The following BMP1 variants were observed in gnomAD, a reference collection of about 807,000 sequenced individuals.
BMP1 encodes the protein mammalian tolloid protein.
BMP1 carries 63 observed loss-of-function variants against 116.8 expected under a neutral mutation model. The ratio of observed to expected loss-of-function variants is 0.54; its 90% CI spans 0.44 to 0.67. BMP1 has a LOEUF of 0.67. BMP1 is among the 30% of genes least tolerant of loss of function. BMP1 has a pLI of 0.00. For synonymous variants in BMP1, 536 were observed against 533.4 expected (o/e 1.00, Z -0.07); for missense variants, 1,183 against 1,358.9 (o/e 0.87, Z 2.04).
intron 9 of BMP1, among the ~76,000 whole-genome samples, chr8:22,192,526 T>A (rs1397075091): frequency 3.3e-5 from 5 of 152,176 alleles, no homozygotes. Flanking sequence ...GGATCCACTA[T>A]TTTTTTCTAT....
At chr8:22,210,076 G>A (rs768853510) in intron 19 of BMP1, among the ~76,000 whole-genome samples, 28 of 152,234 alleles carry the variant, frequency 1.8e-4, no homozygotes, top group Non-Finnish European at 1.6e-4. Flanking sequence ...CACCAGAGCC[G>A]GGGACAGGGC....
In BMP1 at chr8:22,165,514, G is replaced by A. The variant is rs1161097944; in HGVS notation, c.109G>A (p.Asp37Asn). 18 of 1,592,260 alleles carry A rather than the reference G, an allele frequency of 1.1e-5. No homozygotes were observed. Among genetic ancestry groups the A allele is most frequent in the Non-Finnish European group, 1.5e-5 (18 of 1,171,656 alleles). The change falls in exon 1 of 20, where the codon GAC becomes AAC. Residue 37 changes from aspartate (D) to asparagine (N), a missense_variant. Asp to Asn is a conservative substitution (Grantham distance 23). Around this residue, in one of 4 missense-constraint regions of BMP1, gnomAD observed 185 missense variants for 158.9 expected, o/e 1.16. Transcript: ENST00000306385. ...CACCTATGACCTGGCGGAGGAGGAC[G>A]ACTCGGAGCCCCTCAACTACAAAGA... The part of the protein sequence containing the change: ...DYTYDLAEED[D>N]SEPLNYKDPC...
chr8:22,197,933 C>T (rs1322452280), intron 15 of BMP1, among the ~76,000 whole-genome samples: 1 of 152,140 alleles, frequency 6.6e-6, no homozygotes, highest in Non-Finnish European at 1.5e-5. Flanking sequence ...GCCTGTAATC[C>T]CAGCACTCAG....
Position 22,211,688 on chromosome 8 carries a change from C to A in BMP1, c.2921C>A (p.Thr974Asn). 1.9e-6 allele frequency: 3 copies of A among 1,614,174 alleles called. No homozygotes were observed. The South Asian group carries it at 3.3e-5, about 18-fold the overall frequency. Reference protein sequence around the residue: ...ITKKGFHLRYTSTKFQDTLHS... With the variant: ...ITKKGFHLRYNSTKFQDTLHS... ...AAAAAAGGTTTCCACCTGCGATACA[C>A]CAGCACCAAGTTCCAGGACACACTC... The change falls in exon 20 of 20, where the codon ACC becomes AAC. Residue 974 changes from threonine (T) to asparagine (N), a missense_variant. By Grantham distance (65) the Thr-to-Asn change is moderately conservative (BLOSUM62 0). Coordinates refer to ENST00000306385, the MANE Select transcript of BMP1 (RefSeq NM_006129.5).
rs982554821 is a variant in BMP1, at chr8:22,197,922, C to T, written c.2107+502C>T. Among the ~76,000 whole-genome samples, 4 of 152,206 alleles carry T rather than the reference C, an allele frequency of 2.6e-5. No individual in the cohort carries two copies. In the South Asian group the frequency reaches 6.2e-4, roughly 24 times the overall value. ...AGTCGTGGCCGGGCGCGGTGGCTCA[C>T]GCCTGTAATCCCAGCACTCAGGAAG... On this transcript the variant is annotated intron_variant, in intron 15 of 19. Coordinates refer to ENST00000306385, the MANE Select transcript of BMP1 (RefSeq NM_006129.5).
At chr8:22,199,072 C>G (rs544657394) in intron 15 of BMP1, 1 of 1,365,406 alleles carries the variant, frequency 7.3e-7, no homozygotes, top group South Asian at 1.1e-5. Context: ...CCTGGAGTTA[C>G]TGCTCTGCCC....
intron 18 of BMP1, among the ~76,000 whole-genome samples, chr8:22,208,738 C>T (rs1344221466): frequency 6.6e-6 from 1 of 152,202 alleles, no homozygotes; most frequent in Non-Finnish European, 1.5e-5. Context: ...TTTGCAGTCT[C>T]CTCCTGGGTC....
intron 18 of BMP1, 124 bp from the exon 19 acceptor site, chr8:22,209,321 T>C: frequency 6.8e-7 from 1 of 1,468,890 alleles, no homozygotes; most frequent in South Asian, 1.4e-5. Flanking sequence ...CACCCACCCA[T>C]CACTGGCCTC....
In BMP1 at chr8:22,165,559, CGCCCCCCG is replaced by C. The variant is rs772305345; in HGVS notation, c.148+17_148+24del. The C allele has an allele frequency of 6.3e-7, 1 of 1,575,354 alleles. No homozygotes were observed. Among genetic ancestry groups the C allele is most frequent in the Non-Finnish European group, 8.6e-7 (1 of 1,164,598 alleles). On this transcript the variant is annotated splice_region_variant and intron_variant, in intron 1 of 19. Coordinates refer to ENST00000306385, the MANE Select transcript of BMP1 (RefSeq NM_006129.5). ...CAAAGACCCCTGCAAGGCGGGTGAGCGCCCCCCGGCCCCCCGGCGACGGGCCAGGCGGG... is the reference window on the plus strand; with the variant it reads ...CAAAGACCCCTGCAAGGCGGGTGAGCGCCCCCCGGCGACGGGCCAGGCGGG...
At chr8:22,201,357 A>G in intron 15 of BMP1, 17 of 1,468,234 alleles carry the variant, frequency 1.2e-5, no homozygotes, top group Non-Finnish European at 1.5e-5. Context: ...TCTTCTCCCC[A>G]CTGTGCCCGT....
At chr8:22,170,722 AGGCAGGAGGATCACCTGTG>A (rs1828252718) in intron 1 of BMP1, 2 of 152,202 alleles carry the variant, frequency 1.3e-5, no homozygotes, top group Admixed American at 1.3e-4. Flanking sequence ...TGGGAGGCCA[AGGCAGGAGGATCACCTGTG>A]GTCAGGAGTT....
At chr8:22,169,244 G>A (rs1034744156) in intron 1 of BMP1, 3 of 151,622 alleles carry the variant, frequency 2.0e-5, no homozygotes, top group African/African-American at 2.4e-5. Context: ...TATTGCGGTC[G>A]GGGGAGTAGA....
chr8:22,191,472 G>A (rs1367281760), intron 8 of BMP1, among the ~76,000 whole-genome samples: 1 of 152,140 alleles, frequency 6.6e-6, no homozygotes, highest in Non-Finnish European at 1.5e-5. Flanking sequence ...GCACAGTGAC[G>A]CACTCCTGTA....
rs576639627 is a variant in BMP1, at chr8:22,187,271, G to A, written c.1078-4778G>A. On this transcript the variant is annotated intron_variant, in intron 8 of 19. Coordinates refer to ENST00000306385, the MANE Select transcript of BMP1 (RefSeq NM_006129.5). ...CTCCCAAAGTGTTGGGATTATAGGC[G>A]TGAGCCACCACGCCCAGGCCAGCCC... Among the ~76,000 whole-genome samples, 15 of 152,012 alleles carry A rather than the reference G, an allele frequency of 9.9e-5. No individual in the cohort carries two copies. In the East Asian group the frequency reaches 2.3e-3, roughly 23 times the overall value.
rs1416953474 is a variant in BMP1, at chr8:22,179,111, A to G, written c.837-594A>G. ...CCCTTCACTCTGCTCCTCCCAGTGCAAACACCCAGGATTCAGCAGGGAGGA... is the reference window on the plus strand; with the variant it reads ...CCCTTCACTCTGCTCCTCCCAGTGCGAACACCCAGGATTCAGCAGGGAGGA... On this transcript the variant is annotated intron_variant, in intron 6 of 19. Transcript: ENST00000306385. The surrounding 1 kb of genome is among the most constrained non-coding windows in gnomAD (Gnocchi z 4.6). Among the ~76,000 whole-genome samples, 2 of 152,194 alleles carry G rather than the reference A, an allele frequency of 1.3e-5. No individual in the cohort carries two copies. The highest frequency in any genetic ancestry group is 6.5e-5 in the Admixed American group (1 of 15,284).
At chr8:22,188,971 G>T (rs1002817919) in intron 8 of BMP1, among the ~76,000 whole-genome samples, 1 of 152,192 alleles carries the variant, frequency 6.6e-6, no homozygotes, top group Non-Finnish European at 1.5e-5. Context: ...GAGCCAGAGC[G>T]CCCTCACTCG....
chr8:22,180,521 T>G, intron 8 of BMP1, 38 bp downstream of exon 8: 1 of 1,579,982 alleles, frequency 6.3e-7, no homozygotes, highest in Non-Finnish European at 8.7e-7. Flanking sequence ...CCCCCTCCCC[T>G]GCGGGTCCCC....
intron 15 of BMP1, chr8:22,198,816 G>C: frequency 4.0e-6 from 2 of 502,368 alleles, no homozygotes; most frequent in Non-Finnish European, 5.9e-6. Flanking sequence ...TGCTTACAGT[G>C]GCCCGTTGAC....
At chr8:22,208,450 G>A (rs543678380) in intron 18 of BMP1, among the ~76,000 whole-genome samples, 12 of 152,292 alleles carry the variant, frequency 7.9e-5, no homozygotes, top group African/African-American at 2.2e-4. Flanking sequence ...GGCACCGCCC[G>A]TGACAGCATG....
Sources: allele counts gnomAD v4.1 joint callset (sites outside exome capture counted in the v4.1 genomes callset), GRCh38; gene constraint gnomAD v4.1.1; regional missense constraint gnomAD v4.1.1; non-coding constraint Gnocchi (gnomAD v3.1); transcripts MANE v1.5; gene names NCBI Gene and HGNC (gene_info 2026-07-23, HGNC 2026-07-21).